LRRC4B: variants seen among roughly 807,000 people sequenced by gnomAD.
LRRC4B encodes leucine rich repeat containing 4B.
LRRC4B carries 1 observed loss-of-function variant against 7.3 expected under a neutral mutation model. The observed-to-expected ratio is 0.14, with a 90% CI of 0.05 to 0.65. The LOEUF (loss-of-function observed/expected upper bound fraction) is 0.65. LRRC4B is among the 30% of genes least tolerant of loss of function. The pLI, the probability that LRRC4B is intolerant of heterozygous loss-of-function variation, is 0.84. For synonymous variants in LRRC4B, 500 were observed against 499.2 expected, an observed-to-expected ratio of 1.00 and a Z score of -0.02; for missense variants, 730 against 1,041.6, an observed-to-expected ratio of 0.70 and a Z score of 4.12.
rs562183549 is a variant in LRRC4B at position 50,519,533 on chromosome 19, C to G, written c.298-118G>C. ...CTGGATCTCCCGTGCTGTGCTGTGA[C>G]GGTACGACCTATATTGCAACATGGT... On this transcript the variant is annotated intron_variant, in intron 2 of 2. Transcript: ENST00000652263. The surrounding 1 kb of genome is among the most constrained non-coding windows in gnomAD (Gnocchi z 8.1). 7.0e-7 allele frequency: 1 copy of G among 1,435,568 alleles called. No individual in the cohort carries two copies. Among genetic ancestry groups the G allele is most frequent in the Non-Finnish European group, 9.1e-7 (1 of 1,098,450 alleles). 88.9% of individuals were successfully genotyped at this position (1,435,568 alleles called of 1,614,324 possible). A position where few individuals can be genotyped will look rare whatever the true frequency, so the allele number is the denominator to read the frequency against.
At chr19:50,521,948 G>A (rs929629414) in intron 2 of LRRC4B, among the ~76,000 whole-genome samples, 5 of 152,140 alleles carry the variant, frequency 3.3e-5, no homozygotes, top group African/African-American at 1.2e-4. Flanking sequence ...GGCCGAGGTG[G>A]GAGGATCACT....
intron 1 of LRRC4B, among the ~76,000 whole-genome samples, chr19:50,554,886 C>A (rs2122916003): frequency 6.6e-6 from 1 of 152,286 alleles, no homozygotes; most frequent in African/African-American, 2.4e-5. Flanking sequence ...TCCAGGGGCC[C>A]CAAAGACCCC....
At chr19:50,545,408 C>CAAAAAA (rs58857784) in intron 2 of LRRC4B, among the ~76,000 whole-genome samples, 1 of 78,754 alleles carries the variant, frequency 1.3e-5, no homozygotes, top group African/African-American at 4.9e-5. Flanking sequence ...AACTCCATCT[C>CAAAAAA]AAAAAAAAAA....
Position 50,545,052 on chromosome 19 carries a change from C to T in LRRC4B, c.297+3490G>A, listed in dbSNP as rs1382952830. Among the ~76,000 whole-genome samples, 6 of 150,800 alleles carry T rather than the reference C, an allele frequency of 4.0e-5. No individual in the cohort carries two copies. The East Asian group carries it at 1.2e-3, about 30-fold the overall frequency. On this transcript the variant is annotated intron_variant, in intron 2 of 2. Coordinates refer to ENST00000652263, the MANE Select transcript of LRRC4B (RefSeq NM_001080457.2). Reference sequence around the variant, plus strand: ...GTGTGAACCCAGGAGGCGGAGCTTGCAGTGAGCCAAGATCGTACCACTGCA... The same window carrying T: ...GTGTGAACCCAGGAGGCGGAGCTTGTAGTGAGCCAAGATCGTACCACTGCA...
chr19:50,567,807 C>T (rs1432706435), intron 1 of LRRC4B, 137 bp downstream of exon 1: 2 of 119,514 alleles, frequency 1.7e-5, no homozygotes, highest in East Asian at 2.3e-4. Flanking sequence ...GCCCCGCCCC[C>T]TGTCCTCTGC....
chr19:50,542,948 G>A (rs1042535544), intron 2 of LRRC4B, among the ~76,000 whole-genome samples: 10 of 152,090 alleles, frequency 6.6e-5, no homozygotes, highest in African/African-American at 2.2e-4. Context: ...CAAAGTCCCC[G>A]CGAGGTTCTT....
At position 50,517,945 on chromosome 19, in the gene LRRC4B, C is replaced by A; in HGVS notation, c.1768G>T (p.Ala590Ser). ...GCFVAITFMA[A>S]VMLVAFYKLR... ...TTGTAGAAGGCCACGAGCATCACCGCGGCCATGAACGTGATGGCCACGAAG... is the reference window on the plus strand; with the variant it reads ...TTGTAGAAGGCCACGAGCATCACCGAGGCCATGAACGTGATGGCCACGAAG... The change falls in exon 3 of 3, where the codon GCG becomes TCG. Residue 590 changes from alanine (A) to serine (S), a missense_variant. Transcript: ENST00000652263. This position sits in a 1 kb window ranked among gnomAD's most constrained non-coding sequence, Gnocchi z 6.6. 2 of 1,554,854 alleles carry A rather than the reference C, an allele frequency of 1.3e-6. No homozygotes were observed. Among genetic ancestry groups the A allele is most frequent in the Non-Finnish European group, 1.7e-6 (2 of 1,156,902 alleles).
intron 2 of LRRC4B, among the ~76,000 whole-genome samples, chr19:50,534,972 G>GCC: frequency 2.0e-5 from 3 of 152,040 alleles, no homozygotes; most frequent in Admixed American, 2.0e-4. Context: ...GGGTTCAAGT[G>GCC]ATTCTCCTGC....
chr19:50,545,985 A>C (rs1413738559), intron 2 of LRRC4B, among the ~76,000 whole-genome samples: 1 of 151,584 alleles, frequency 6.6e-6, no homozygotes, highest in Non-Finnish European at 1.5e-5. Flanking sequence ...CAGTCTCCCA[A>C]AGTGCTGGGA....
chr19:50,556,351 C>G lies in LRRC4B; in HGVS notation c.-35-7478G>C, dbSNP rs1982275868. 6.6e-6 allele frequency among the ~76,000 whole-genome samples: 1 copy of G among 152,056 alleles called. No individual in the cohort carries two copies. Among genetic ancestry groups the G allele is most frequent in the South Asian group, 2.1e-4 (1 of 4,824 alleles). ...TCCCGTGCAGCCACGCCGCTCTCCC[C>G]CAGGCTCCTCCCACCCACCAGGCGC... On this transcript the variant is annotated intron_variant, in intron 1 of 2. Transcript: ENST00000652263. The surrounding 1 kb of genome is among the most constrained non-coding windows in gnomAD (Gnocchi z 4.2).
chr19:50,552,683 T>TCCATCCATCCATCCATTCATCCATCCAC (rs377729910), intron 1 of LRRC4B, among the ~76,000 whole-genome samples: 24,708 of 120,880 alleles, frequency 0.2, 4,327 homozygotes, highest in Non-Finnish European at 0.23. Context: ...CATCCATCCA[T>TCCATCCATCCATCCATTCATCCATCCAC]CCATCCGTCC....
At chr19:50,542,000 A>G (rs537099158) in intron 2 of LRRC4B, among the ~76,000 whole-genome samples, 1 of 152,368 alleles carries the variant, frequency 6.6e-6, no homozygotes, top group South Asian at 2.1e-4. Flanking sequence ...AGGCCGAGCG[A>G]ACACAGTGAG....
chr19:50,552,582 A>G (rs978126847), intron 1 of LRRC4B, among the ~76,000 whole-genome samples: 1 of 147,102 alleles, frequency 6.8e-6, no homozygotes, highest in African/African-American at 2.6e-5. Flanking sequence ...CCATCCGTCC[A>G]TCCATCTGTC....
chr19:50,527,545 T>C (rs1980865638), intron 2 of LRRC4B, among the ~76,000 whole-genome samples: 2 of 151,968 alleles, frequency 1.3e-5, no homozygotes, highest in South Asian at 4.1e-4. Flanking sequence ...CATTTCCCCT[T>C]AATAACATTG....
chr19:50,551,346 C>T (rs1235408933), intron 1 of LRRC4B, among the ~76,000 whole-genome samples: 1 of 151,106 alleles, frequency 6.6e-6, no homozygotes, highest in Non-Finnish European at 1.5e-5. Context: ...CTCCCCGCGC[C>T]CCCCCCACTG....
At chr19:50,530,115 C>G (rs183655280) in intron 2 of LRRC4B, among the ~76,000 whole-genome samples, 2 of 152,168 alleles carry the variant, frequency 1.3e-5, no homozygotes, top group Non-Finnish European at 2.9e-5. Flanking sequence ...CCTCTCCATC[C>G]CCACAGCCCA....
intron 2 of LRRC4B, among the ~76,000 whole-genome samples, chr19:50,523,648 G>A (rs757499553): frequency 6.8e-6 from 1 of 146,220 alleles, no homozygotes; most frequent in African/African-American, 2.5e-5. Flanking sequence ...GGGCAACACA[G>A]TGAGACTCCA....
chr19:50,544,941 T>C (rs1981733802), intron 2 of LRRC4B, among the ~76,000 whole-genome samples: 1 of 151,956 alleles, frequency 6.6e-6, no homozygotes, highest in Non-Finnish European at 1.5e-5. Context: ...TGAAACCCTG[T>C]CTCTACTAAA....
rs535485594 is a variant in LRRC4B, at chr19:50,517,292, G to C, written c.*279C>G. On this transcript the variant is annotated 3_prime_UTR_variant, in exon 3 of 3. Coordinates refer to ENST00000652263, the MANE Select transcript of LRRC4B (RefSeq NM_001080457.2). This position sits in a 1 kb window ranked among gnomAD's most constrained non-coding sequence, Gnocchi z 6.6. ...GGTGGGAGAGCGAGGAGGAAACGCGGAGAACTCAGGCCACTTCTCCTGGGT... is the reference window on the plus strand; with the variant it reads ...GGTGGGAGAGCGAGGAGGAAACGCGCAGAACTCAGGCCACTTCTCCTGGGT... 12 of 319,990 alleles carry C rather than the reference G, an allele frequency of 3.8e-5. No homozygotes were observed. Among genetic ancestry groups the C allele is most frequent in the African/African-American group, 2.6e-4 (12 of 47,054 alleles). 19.8% of individuals were successfully genotyped at this position (319,990 alleles called of 1,614,324 possible).
Sources: gnomAD v4.1 joint callset for allele counts (sites outside exome capture counted in the v4.1 genomes callset) on GRCh38, gnomAD v4.1.1 for gene constraint, Gnocchi (gnomAD v3.1) non-coding constraint, MANE v1.5 for transcripts, NCBI Gene and HGNC (gene_info 2026-07-23, HGNC 2026-07-21) for gene names.